Variants in SPMIP2 observed in about 807,000 individuals in gnomAD.
The protein encoded by SPMIP2 is protein SPMIP2.
the SPMIP2 span, among the ~76,000 whole-genome samples, chr4:158,912,254 A>G: frequency 2.0e-5 from 3 of 152,220 alleles, no homozygotes; most frequent in African/African-American, 7.2e-5. Flanking sequence ...GTATATAAGA[A>G]TGATACATAC....
At chr4:158,981,008 T>C in the SPMIP2 span, among the ~76,000 whole-genome samples, 3 of 152,140 alleles carry the variant, frequency 2.0e-5, no homozygotes, top group African/African-American at 4.8e-5. Context: ...GAGAAGAACA[T>C]AGATGACCTG....
chr4:159,007,286 C>T, the SPMIP2 span: 4 of 1,025,356 alleles, frequency 3.9e-6, no homozygotes, highest in Non-Finnish European at 4.5e-6. Flanking sequence ...ATGTGGCTGA[C>T]CTGACTTCCC....
chr4:159,073,511 C>T, the SPMIP2 span, among the ~76,000 whole-genome samples: 210 of 151,962 alleles, frequency 1.4e-3, 1 homozygote, highest in African/African-American at 4.7e-3. Flanking sequence ...TCTCTTTGAC[C>T]AAAAAAATAA....
At chr4:158,981,661 G>A in the SPMIP2 span, among the ~76,000 whole-genome samples, 1 of 152,080 alleles carries the variant, frequency 6.6e-6, no homozygotes, top group African/African-American at 2.4e-5. Flanking sequence ...AATGCTGAGG[G>A]ATTTTGTCAC....
At chr4:159,014,570 T>G in the SPMIP2 span, among the ~76,000 whole-genome samples, 1 of 152,212 alleles carries the variant, frequency 6.6e-6, no homozygotes, top group Non-Finnish European at 1.5e-5. Context: ...TGCAGGTTAG[T>G]TACATATGTA....
the SPMIP2 span, among the ~76,000 whole-genome samples, chr4:158,959,480 G>A: frequency 6.6e-6 from 1 of 152,110 alleles, no homozygotes; most frequent in African/African-American, 2.4e-5. Flanking sequence ...TTGACATGGG[G>A]TTTGAAGTCT....
At chr4:158,963,292 T>G in the SPMIP2 span, among the ~76,000 whole-genome samples, 1 of 152,048 alleles carries the variant, frequency 6.6e-6, no homozygotes, top group Non-Finnish European at 1.5e-5. Flanking sequence ...TTTTGTTTTT[T>G]TTTTGTTTGT....
chr4:158,995,166 C>A, the SPMIP2 span, among the ~76,000 whole-genome samples: 1 of 152,214 alleles, frequency 6.6e-6, no homozygotes, highest in Admixed American at 6.5e-5. Context: ...GATCCTCCTA[C>A]TCTGGACACC....
At chr4:158,933,692 T>G in the SPMIP2 span, among the ~76,000 whole-genome samples, 5 of 151,584 alleles carry the variant, frequency 3.3e-5, no homozygotes, top group South Asian at 2.1e-4. Flanking sequence ...TTTATGTCTC[T>G]CCTTCTACCT....
chr4:158,904,523 T>C, the SPMIP2 span: 1 of 1,613,128 alleles, frequency 6.2e-7, no homozygotes, highest in African/African-American at 1.3e-5. Context: ...ATTCTCCTTA[T>C]GTGGCTCAAA....
chr4:159,043,715 T>G, the SPMIP2 span, among the ~76,000 whole-genome samples: 4 of 152,338 alleles, frequency 2.6e-5, no homozygotes, highest in African/African-American at 9.6e-5. Flanking sequence ...CCATAAGCTC[T>G]TCTACAGTTC....
chr4:159,052,928 G>A, the SPMIP2 span, among the ~76,000 whole-genome samples: 1 of 149,078 alleles, frequency 6.7e-6, no homozygotes, highest in Non-Finnish European at 1.5e-5. Flanking sequence ...GAGCCACTAC[G>A]CCTGGTCGAC....
At chr4:159,027,388 G>A in the SPMIP2 span, among the ~76,000 whole-genome samples, 1 of 152,120 alleles carries the variant, frequency 6.6e-6, no homozygotes, top group Admixed American at 6.5e-5. Context: ...TCATGGTAAG[G>A]ACATATGTAT....
chr4:158,974,284 A>G, the SPMIP2 span, among the ~76,000 whole-genome samples: 3 of 152,126 alleles, frequency 2.0e-5, no homozygotes, highest in African/African-American at 7.2e-5. Context: ...GAAACAAGAG[A>G]AGGTCTGGGT....
the SPMIP2 span, among the ~76,000 whole-genome samples, chr4:158,954,127 A>G: frequency 3.3e-5 from 5 of 152,116 alleles, no homozygotes; most frequent in African/African-American, 4.8e-5. Context: ...GGGCAGAATG[A>G]TATGGTTTGG....
At chr4:159,060,031 C>T in the SPMIP2 span, among the ~76,000 whole-genome samples, 56 of 152,128 alleles carry the variant, frequency 3.7e-4, no homozygotes, top group Non-Finnish European at 6.0e-4. Flanking sequence ...TGAGTCCTAC[C>T]GTGGATGGGG....
the SPMIP2 span, among the ~76,000 whole-genome samples, chr4:158,997,098 T>G: frequency 6.6e-6 from 1 of 152,340 alleles, no homozygotes; most frequent in African/African-American, 2.4e-5. Flanking sequence ...TGCAACTTTT[T>G]ACTGCTGCTG....
chr4:158,932,520 C>G, the SPMIP2 span, among the ~76,000 whole-genome samples: 1 of 152,168 alleles, frequency 6.6e-6, no homozygotes, highest in Non-Finnish European at 1.5e-5. Context: ...TAGTTTTTGT[C>G]TGGTAAATCC....
At chr4:158,983,426 C>G in the SPMIP2 span, among the ~76,000 whole-genome samples, 1 of 151,482 alleles carries the variant, frequency 6.6e-6, no homozygotes, top group Admixed American at 6.6e-5. Context: ...GTCGGGTTAC[C>G]CACAAAGGGA....
Sources: gnomAD v4.1 joint callset for allele counts (sites outside exome capture counted in the v4.1 genomes callset) on GRCh38, gnomAD v4.1.1 for gene constraint, MANE v1.5 for transcripts, NCBI Gene and HGNC (gene_info 2026-07-23, HGNC 2026-07-21) for gene names.